The following LYN variants were observed in gnomAD, a reference collection of about 807,000 sequenced individuals.
LYN encodes tyrosine-protein kinase Lyn.
Under a neutral mutation model 65.0 loss-of-function variants are expected in LYN, and 12 were observed. That is an observed-to-expected ratio of 0.18 (90% confidence interval 0.12 to 0.30). The LOEUF is 0.30. LYN is among the 10% of genes least tolerant of loss of function. LYN has a pLI of 1.00. For missense variants in LYN, 380 were observed against 623.2 expected, an observed-to-expected ratio of 0.61 and a Z score of 4.16; for synonymous variants, 222 against 221.2, an observed-to-expected ratio of 1.00 and a Z score of -0.03.
intron 10 of LYN, among the ~76,000 whole-genome samples, chr8:55,978,507 G>A (rs930741239): frequency 1.8e-4 from 28 of 152,216 alleles, no homozygotes; most frequent in Non-Finnish European, 4.4e-5. Context: ...AGGCATTTTA[G>A]TATAGGGGTC....
At chr8:55,952,878 C>G (rs1203572731) in intron 7 of LYN, among the ~76,000 whole-genome samples, 1 of 152,100 alleles carries the variant, frequency 6.6e-6, no homozygotes, top group Admixed American at 6.6e-5. Context: ...AGGTCAATGT[C>G]CCTGTCTCCA....
In LYN at chr8:55,880,077, C is replaced by T. The variant is rs1400168075; in HGVS notation, c.-32C>T. On this transcript the variant is annotated 5_prime_UTR_variant, in exon 1 of 13. Coordinates refer to ENST00000519728, the MANE Select transcript of LYN (RefSeq NM_002350.4). The stretch of plus-strand genomic sequence containing the variant: ...GAACTCAAGTCACCGTGGAGCTCCG[C>T]CGCCCCGAAACTTTCACCGCGAGCG... 3.2e-6 allele frequency: 1 copy of T among 314,016 alleles called. No individual in the cohort carries two copies. Among genetic ancestry groups the T allele is most frequent in the Admixed American group, 4.1e-5 (1 of 24,236 alleles). The allele number at this position is 314,016 out of a possible 1,614,324, so 19.5% of individuals were successfully genotyped here.
chr8:55,965,954 G>C (rs528972574), intron 8 of LYN, among the ~76,000 whole-genome samples: 18 of 151,938 alleles, frequency 1.2e-4, no homozygotes, highest in African/African-American at 4.1e-4. Flanking sequence ...GTGGAACCAC[G>C]TCTCTACTAA....
intron 6 of LYN, among the ~76,000 whole-genome samples, chr8:55,951,123 G>A (rs1806934359): frequency 6.6e-6 from 1 of 151,874 alleles, no homozygotes; most frequent in Non-Finnish European, 1.5e-5. Flanking sequence ...CATGCCTATA[G>A]TCCCAGCTAC....
intron 8 of LYN, 50 bp downstream of exon 8, chr8:55,954,034 G>A (rs765585694): frequency 3.5e-5 from 56 of 1,591,862 alleles, no homozygotes; most frequent in Non-Finnish European, 4.5e-5. Flanking sequence ...GGTGACAGGA[G>A]AAGTAAAGGC....
chr8:55,966,175 T>A (rs752714014), intron 8 of LYN, among the ~76,000 whole-genome samples: 1 of 151,896 alleles, frequency 6.6e-6, no homozygotes, highest in South Asian at 2.1e-4. Context: ...AATAAAAACG[T>A]TTTTTTGCTA....
chr8:55,962,816 T>C (rs576670791), intron 8 of LYN, among the ~76,000 whole-genome samples: 1 of 152,356 alleles, frequency 6.6e-6, no homozygotes, highest in East Asian at 1.9e-4. Context: ...TCAGATTTTA[T>C]AAGAAGCATG....
intron 1 of LYN, among the ~76,000 whole-genome samples, chr8:55,911,108 T>C (rs1805596238): frequency 6.9e-5 from 1 of 14,596 alleles, no homozygotes; most frequent in Non-Finnish European, 1.5e-4. Context: ...TACATACACG[T>C]ATATATACGT....
At chr8:55,970,874 G>A (rs1807591535) in intron 10 of LYN, among the ~76,000 whole-genome samples, 2 of 152,226 alleles carry the variant, frequency 1.3e-5, no homozygotes, top group African/African-American at 4.8e-5. Flanking sequence ...TTATTCACCT[G>A]TAAAACAGAA....
intron 12 of LYN, among the ~76,000 whole-genome samples, chr8:56,005,900 A>T (rs1563331905): frequency 6.6e-6 from 1 of 152,182 alleles, no homozygotes; most frequent in African/African-American, 2.4e-5. Context: ...CCTGGGCAAC[A>T]TAGCAAAACC....
At chr8:56,000,167 A>T (rs1007306954) in intron 12 of LYN, among the ~76,000 whole-genome samples, 1 of 152,170 alleles carries the variant, frequency 6.6e-6, no homozygotes, top group Non-Finnish European at 1.5e-5. Context: ...GGGCTCCTCC[A>T]AGGCAGTCCC....
In LYN at chr8:55,910,137, G is replaced by A. The variant is rs564703612; in HGVS notation, c.-6+30034G>A. 3.3e-5 allele frequency among the ~76,000 whole-genome samples: 5 copies of A among 152,084 alleles called. No individual in the cohort carries two copies. The East Asian group carries it at 7.7e-4, about 23-fold the overall frequency. On this transcript the variant is annotated intron_variant, in intron 1 of 12. Transcript: ENST00000519728. ...TTGAGTATTTCTTTTGCTGTGCAAA[G>A]CTTTTTAGTTTAAGTAAGTCTCATT...
intron 1 of LYN, among the ~76,000 whole-genome samples, chr8:55,914,931 G>A (rs913797554): frequency 6.6e-6 from 1 of 152,158 alleles, no homozygotes; most frequent in Non-Finnish European, 1.5e-5. Flanking sequence ...TTGTCTCTTA[G>A]CCATCTGTTT....
intron 1 of LYN, among the ~76,000 whole-genome samples, chr8:55,891,660 G>T (rs1804966678): frequency 6.6e-6 from 1 of 152,074 alleles, no homozygotes; most frequent in South Asian, 2.1e-4. Context: ...ATGCCACTGA[G>T]TTATATACTT....
chr8:55,965,544 A>AATGTGGTAAATAGTTAAAG (rs1212539925), intron 8 of LYN, among the ~76,000 whole-genome samples: 1 of 152,188 alleles, frequency 6.6e-6, no homozygotes, highest in East Asian at 1.9e-4. Context: ...TTTTAAAGAA[A>AATGTGGTAAATAGTTAAAG]ATGTGGTAAA....
At chr8:55,966,643 T>C (rs1807467560) in intron 8 of LYN, 72 bp from the exon 9 acceptor site, 3 of 1,383,280 alleles carry the variant, frequency 2.2e-6, no homozygotes, top group East Asian at 2.3e-5. Context: ...GCTGGGATTA[T>C]AGGTGTGAGC....
chr8:55,979,902 C>T (rs1375083500), intron 10 of LYN, among the ~76,000 whole-genome samples: 1 of 152,244 alleles, frequency 6.6e-6, no homozygotes, highest in African/African-American at 2.4e-5. Flanking sequence ...ACCCGAGCTC[C>T]TGCCATAGTT....
At chr8:55,999,301 C>A in intron 11 of LYN, 117 bp from the exon 12 acceptor site, 1 of 825,140 alleles carries the variant, frequency 1.2e-6, no homozygotes, top group Non-Finnish European at 2.0e-6. Context: ...GCCTGGGTGA[C>A]AAGAGTGAAA....
At chr8:55,944,466 G>A (rs144850165) in intron 2 of LYN, among the ~76,000 whole-genome samples, 21 of 151,992 alleles carry the variant, frequency 1.4e-4, no homozygotes, top group South Asian at 1.0e-3. Context: ...AAGTTTTTTC[G>A]TTTTGCACTT....
Sources: gnomAD v4.1 joint callset for allele counts (sites outside exome capture counted in the v4.1 genomes callset) on GRCh38, gnomAD v4.1.1 for gene constraint, MANE v1.5 for transcripts, NCBI Gene and HGNC (gene_info 2026-07-23, HGNC 2026-07-21) for gene names.